Variants in ZFY observed in about 807,000 individuals in gnomAD.
ZFY encodes the protein zinc finger protein Y-linked.
For synonymous variants in ZFY, 47 were observed against 55.8 expected (o/e 0.84, Z 0.71); for missense variants, 113 against 170.9 (o/e 0.66, Z 1.89).
intron 3 of ZFY, among the ~76,000 whole-genome samples, chrY:2,973,063 CT>C (rs746854992): frequency 5.0e-3 from 123 of 24,803 alleles, no homozygotes; most frequent in African/African-American, 0.016. Context: ...GGGTCCATTA[CT>C]TTTTTTTTTT....
At chrY:2,978,675 T>C in intron 7 of ZFY, 135 bp from the exon 8 acceptor site, 1 of 234,622 alleles carries the variant, frequency 4.3e-6, no homozygotes, top group Non-Finnish European at 6.8e-6. Flanking sequence ...ACTCTTAACA[T>C]TGAAAAGCAG....
At chrY:2,968,357 C>T in intron 3 of ZFY, among the ~76,000 whole-genome samples, 1 of 24,426 alleles carries the variant, frequency 4.1e-5, no homozygotes, top group Non-Finnish European at 9.2e-5. Flanking sequence ...GTCACCCAGG[C>T]GGGAGTGCAG....
chrY:2,962,462 T>G, intron 3 of ZFY, among the ~76,000 whole-genome samples: 1 of 33,858 alleles, frequency 3.0e-5, no homozygotes, highest in African/African-American at 1.2e-4. Flanking sequence ...ATTGACCAGT[T>G]CATTACTACG....
intron 2 of ZFY, among the ~76,000 whole-genome samples, chrY:2,955,210 T>C (rs553615405): frequency 3.0e-5 from 1 of 32,966 alleles, no homozygotes; most frequent in African/African-American, 1.2e-4. Context: ...CCTGCCACCA[T>C]CTTCACCCCG....
chrY:2,961,541 T>C lies in ZFY; in HGVS notation c.529T>C (p.Leu177=). 4 of 398,865 alleles carry C rather than the reference T, an allele frequency of 1.0e-5. No homozygotes were observed. In the East Asian group the frequency reaches 2.8e-4, roughly 28 times the overall value. The change falls in exon 3 of 8, where the codon TTG becomes CTG. Residue 177 remains leucine (L), a synonymous_variant. Coordinates refer to ENST00000155093, the MANE Select transcript of ZFY (RefSeq NM_003411.4). ...GAGTGACATAGTTTCAGAAGAAGTA[T>C]TGGTAGCAGACTGTGCCCCTGAAGC... ...LTSDIVSEEV[L]VADCAPEAVI...
At chrY:2,976,367 C>T (rs2051370548) in intron 5 of ZFY, among the ~76,000 whole-genome samples, 1 of 32,164 alleles carries the variant, frequency 3.1e-5, no homozygotes, top group Non-Finnish European at 7.6e-5. Context: ...CCTTGGTCTC[C>T]CAAAGTGCTG....
intron 2 of ZFY, among the ~76,000 whole-genome samples, chrY:2,959,146 ACAATCAAG>A (rs2051301266): frequency 3.0e-5 from 1 of 33,658 alleles, no homozygotes; most frequent in Non-Finnish European, 7.4e-5. Flanking sequence ...TAATCTTGCC[ACAATCAAG>A]CCTGAGTCAG....
rs2051400884 is a variant in ZFY, at chrY:2,982,025, ATAAACTAAGG to A, written c.*2037_*2046del. On this transcript the variant is annotated 3_prime_UTR_variant, in exon 8 of 8. Transcript: ENST00000155093. Reference sequence around the variant, plus strand: ...ATAGTTAGCTATTTATCTTTTAAAAATAAACTAAGGTAAAAAACGTGACACTTTACATATT... The same window carrying A: ...ATAGTTAGCTATTTATCTTTTAAAAATAAAAAACGTGACACTTTACATATT... 2.9e-5 allele frequency: 1 copy of A among 34,293 alleles called. No individual in the cohort carries two copies. Among genetic ancestry groups the A allele is most frequent in the Admixed American group, 2.7e-4 (1 of 3,761 alleles). The allele number at this position is 34,293 out of a possible 400,897, so 8.6% of individuals were successfully genotyped here.
At chrY:2,953,827 G>A in intron 1 of ZFY, 82 bp from the exon 2 acceptor site, 1 of 161,116 alleles carries the variant, frequency 6.2e-6, no homozygotes, top group Non-Finnish European at 1.0e-5. Context: ...AATAATTTGA[G>A]CATTTCAGAA....
At chrY:2,977,780 CAAAAAAAAAAAA>C (rs1268151770) in intron 6 of ZFY, 148 bp from the exon 7 acceptor site, 2 of 11,947 alleles carry the variant, frequency 1.7e-4, no homozygotes, top group Non-Finnish European at 2.5e-4. Context: ...GACTCTGTCT[CAAAAAAAAAAAA>C]AAAAAAAAAA....
chrY:2,967,656 C>G (rs2051333665), intron 3 of ZFY, among the ~76,000 whole-genome samples: 1 of 29,287 alleles, frequency 3.4e-5, no homozygotes, highest in Non-Finnish European at 8.1e-5. Context: ...CCTCCGCCTC[C>G]TGGGTTCAAG....
At chrY:2,938,154 ATTTTTTTTTTTTTTTTT>A (rs368708159) in intron 1 of ZFY, among the ~76,000 whole-genome samples, 4 of 2,845 alleles carry the variant, frequency 1.4e-3, no homozygotes, top group East Asian at 6.3e-3. Flanking sequence ...CGCCGGGCTA[ATTTTTTTTTTTTTTTTT>A]TTTTTTTTTT....
intron 1 of ZFY, among the ~76,000 whole-genome samples, chrY:2,947,593 GT>G: frequency 3.0e-5 from 1 of 33,289 alleles, no homozygotes; most frequent in Non-Finnish European, 7.5e-5. Context: ...ACATTCACCA[GT>G]TTTTTATACA....
chrY:2,961,847 A>G, intron 3 of ZFY, among the ~76,000 whole-genome samples: 1 of 33,503 alleles, frequency 3.0e-5, no homozygotes, highest in Non-Finnish European at 7.4e-5. Flanking sequence ...TTATTTCTAT[A>G]TTAGGATAGA....
chrY:2,948,646 T>C (rs753353992), intron 1 of ZFY, among the ~76,000 whole-genome samples: 221 of 33,279 alleles, frequency 6.6e-3, no homozygotes, highest in Non-Finnish European at 0.013. Flanking sequence ...TCAGTGTAGA[T>C]TGATGCAGTT....
intron 2 of ZFY, among the ~76,000 whole-genome samples, chrY:2,958,559 C>T: frequency 3.0e-5 from 1 of 33,354 alleles, no homozygotes; most frequent in Non-Finnish European, 7.4e-5. Context: ...TGATTCTGTT[C>T]GAACTTTTGT....
chrY:2,964,200 C>T, intron 3 of ZFY, among the ~76,000 whole-genome samples: 1 of 32,966 alleles, frequency 3.0e-5, no homozygotes, highest in Non-Finnish European at 7.5e-5. Context: ...AGAAATCAAA[C>T]GGTTGGAATT....
intron 2 of ZFY, among the ~76,000 whole-genome samples, chrY:2,957,412 C>CGTGGG (rs2051296167): frequency 6.0e-5 from 2 of 33,141 alleles, no homozygotes; most frequent in Non-Finnish European, 1.5e-4. Context: ...TATCCTCCCA[C>CGTGGG]CTCAGCCTCC....
rs17276393 is a variant in ZFY, at chrY:2,947,262, C to G, written c.-28-6647C>G. Among the ~76,000 whole-genome samples, 115 of 33,722 alleles carry G rather than the reference C, an allele frequency of 3.4e-3. No homozygotes were observed. In the East Asian group the frequency reaches 0.085, roughly 25 times the overall value. 90.5% of individuals were successfully genotyped at this position (33,722 alleles called of 37,273 possible). A position where few individuals can be genotyped will look rare whatever the true frequency, so the allele number is the denominator to read the frequency against. On this transcript the variant is annotated intron_variant, in intron 1 of 7. Transcript: ENST00000155093. Reference sequence around the variant, plus strand: ...TTCAAAAATCAGATGTAATTGTAATCCTGTGTACTAATTATTTGAATGAAC... The same window carrying G: ...TTCAAAAATCAGATGTAATTGTAATGCTGTGTACTAATTATTTGAATGAAC...
Sources: allele counts gnomAD v4.1 joint callset (sites outside exome capture counted in the v4.1 genomes callset), GRCh38; gene constraint gnomAD v4.1.1; transcripts MANE v1.5; gene names NCBI Gene and HGNC (gene_info 2026-07-23, HGNC 2026-07-21).